PRKAR1B: variants seen among roughly 807,000 people sequenced by gnomAD.
The protein encoded by PRKAR1B is protein kinase cAMP-dependent type I regulatory subunit beta, also known as cAMP-dependent protein kinase type I-beta regulatory subunit.
A neutral mutation model predicts 46.5 loss-of-function variants in PRKAR1B; 22 were observed. The observed-to-expected ratio is 0.47, with a 90% CI of 0.34 to 0.68. PRKAR1B has a LOEUF of 0.68. Among genes scored for constraint, PRKAR1B ranks in the 30% least tolerant of loss-of-function variants. PRKAR1B has a pLI of 0.01. For synonymous variants in PRKAR1B, 259 were observed against 217.7 expected (o/e 1.19, Z -1.67); for missense variants, 445 against 535.6 (o/e 0.83, Z 1.67).
chr7:718,516 C>G (rs1562364267), intron 1 of PRKAR1B, among the ~76,000 whole-genome samples: 2 of 151,844 alleles, frequency 1.3e-5, no homozygotes, highest in Non-Finnish European at 1.5e-5. Context: ...ACCACCACTT[C>G]CAGCAAATTT....
chr7:674,213 C>T (rs1786452524), intron 4 of PRKAR1B, among the ~76,000 whole-genome samples: 1 of 152,142 alleles, frequency 6.6e-6, no homozygotes, highest in African/African-American at 2.4e-5. Flanking sequence ...GCTACTCCAG[C>T]CACACCCAGC....
chr7:588,753 A>G (rs1321601379), intron 7 of PRKAR1B, among the ~76,000 whole-genome samples: 25 of 3,598 alleles, frequency 6.9e-3, no homozygotes, highest in African/African-American at 0.014. Context: ...GGTGATGGTG[A>G]TGGTGATGGT....
intron 1 of PRKAR1B, among the ~76,000 whole-genome samples, chr7:725,463 G>A (rs1185398639): frequency 1.3e-5 from 2 of 152,194 alleles, no homozygotes; most frequent in African/African-American, 4.8e-5. Flanking sequence ...AAGCTGTTTA[G>A]GCGCCTCTGT....
Position 593,565 on chromosome 7 carries a change from C to T in PRKAR1B, c.708+2581G>A, listed in dbSNP as rs896404669. ...CAGGGCGTCAAGGATGGTGGGGAAA[C>T]GGCTTATGCAACGCCGGGCCAGGTG... On this transcript the variant is annotated intron_variant, in intron 7 of 10. Transcript: ENST00000537384. This position sits in a 1 kb window ranked among gnomAD's most constrained non-coding sequence, Gnocchi z 6.1. 4.6e-5 allele frequency among the ~76,000 whole-genome samples: 7 copies of T among 152,158 alleles called. No individual in the cohort carries two copies. The highest frequency in any genetic ancestry group is 9.6e-5 in the African/African-American group (4 of 41,452).
intron 4 of PRKAR1B, among the ~76,000 whole-genome samples, chr7:673,058 A>AC: frequency 7.6e-6 from 1 of 131,716 alleles, no homozygotes; most frequent in Non-Finnish European, 1.6e-5. Flanking sequence ...AAAAAAAAAA[A>AC]AAAAAAAAAA....
Position 726,583 on chromosome 7 carries a change from A to G in PRKAR1B, c.-23+627T>C, listed in dbSNP as rs79984239. On this transcript the variant is annotated intron_variant, in intron 1 of 10. Coordinates refer to ENST00000537384, the MANE Select transcript of PRKAR1B (RefSeq NM_001164760.2). ...GGGGACAGCGGGCGAGCACGACAAG[A>G]GCACAGGCCCACGTGCGCACCGGCG... is the stretch of plus-strand genomic sequence containing the variant. 237,650 of 632,456 alleles carry G rather than the reference A, an allele frequency of 0.38. 45,272 individuals carry two copies. The highest frequency in any genetic ancestry group is 0.51 in the South Asian group (6,273 of 12,268). 39.2% of individuals were successfully genotyped at this position (632,456 alleles called of 1,614,324 possible). A position where few individuals can be genotyped will look rare whatever the true frequency, so the allele number is the denominator to read the frequency against.
rs1022711439 is a variant in PRKAR1B at position 726,689 on chromosome 7, T to A, written c.-23+521A>T. 14 of 1,224,720 alleles carry A rather than the reference T, an allele frequency of 1.1e-5. No individual in the cohort carries two copies. The Admixed American group carries it at 2.1e-4, about 19-fold the overall frequency. The allele number at this position is 1,224,720 out of a possible 1,614,324, so 75.9% of individuals were successfully genotyped here. ...TCTGCGCTGAGAGTCGCGAAAGCGC[T>A]GTTCCCCTTAGTGACCGGCGACGCG... On this transcript the variant is annotated intron_variant, in intron 1 of 10. Transcript: ENST00000537384.
At chr7:664,523 G>A (rs1398955537) in intron 4 of PRKAR1B, among the ~76,000 whole-genome samples, 1 of 152,202 alleles carries the variant, frequency 6.6e-6, no homozygotes, top group Admixed American at 6.5e-5. Context: ...GGTCTGCAGG[G>A]GCTTGTCAGT....
intron 4 of PRKAR1B, among the ~76,000 whole-genome samples, chr7:635,542 G>A (rs1228929559): frequency 1.3e-5 from 2 of 152,170 alleles, no homozygotes; most frequent in African/African-American, 2.4e-5. Flanking sequence ...GGGCCCCTTG[G>A]CAGCCCTAGG....
chr7:637,921 TG>T (rs67593088), intron 4 of PRKAR1B, among the ~76,000 whole-genome samples: 22,641 of 152,200 alleles, frequency 0.15, 1,940 homozygotes, highest in South Asian at 0.27. Flanking sequence ...GAACCCTGCA[TG>T]GGGGGCAGCT....
chr7:601,469 G>A (rs1781590927), intron 6 of PRKAR1B, among the ~76,000 whole-genome samples: 3 of 152,218 alleles, frequency 2.0e-5, no homozygotes, highest in African/African-American at 7.2e-5. Flanking sequence ...TACCCAACAT[G>A]CCACTTTTTC....
At chr7:577,439 G>T (rs9718346) in intron 9 of PRKAR1B, among the ~76,000 whole-genome samples, 1 of 151,952 alleles carries the variant, frequency 6.6e-6, no homozygotes, top group Non-Finnish European at 1.5e-5. Flanking sequence ...GCATGCAAGC[G>T]TGAGATCCTG....
At position 593,542 on chromosome 7, in the gene PRKAR1B, G is replaced by T. The variant is rs28402081; in HGVS notation, c.708+2604C>A. 0.12 allele frequency among the ~76,000 whole-genome samples: 18,468 copies of T among 152,182 alleles called. 1,385 individuals carry two copies. The highest frequency in any genetic ancestry group is 0.16 in the Non-Finnish European group (10,611 of 67,980). ...AAAAATCCCCCAGCCGGGAGCGACA[G>T]GGCGTCAAGGATGGTGGGGAAACGG... On this transcript the variant is annotated intron_variant, in intron 7 of 10. Coordinates refer to ENST00000537384, the MANE Select transcript of PRKAR1B (RefSeq NM_001164760.2). This position sits in a 1 kb window ranked among gnomAD's most constrained non-coding sequence, Gnocchi z 6.1.
intron 9 of PRKAR1B, among the ~76,000 whole-genome samples, chr7:552,195 CA>C: frequency 8.8e-6 from 1 of 113,358 alleles, no homozygotes; most frequent in African/African-American, 4.1e-5. Flanking sequence ...ACCTCCCGCC[CA>C]GGTCCTTCTC....
intron 4 of PRKAR1B, among the ~76,000 whole-genome samples, chr7:662,313 T>C (rs1458117466): frequency 1.7e-3 from 28 of 16,818 alleles, no homozygotes; most frequent in Admixed American, 4.2e-3. Flanking sequence ...AGGTCCCTAC[T>C]CCAACAGGTC....
At chr7:640,801 CACACACAGACACAA>C (rs1229821013) in intron 4 of PRKAR1B, among the ~76,000 whole-genome samples, 4 of 131,528 alleles carry the variant, frequency 3.0e-5, no homozygotes, top group African/African-American at 1.2e-4. Context: ...CACACACACA[CACACACAGACACAA>C]ATGAAATACC....
chr7:698,844 C>G (rs1174589526), intron 2 of PRKAR1B, among the ~76,000 whole-genome samples: 3 of 152,148 alleles, frequency 2.0e-5, no homozygotes, highest in Non-Finnish European at 1.5e-5. Context: ...ACATGTCACT[C>G]ACACACACTT....
intron 2 of PRKAR1B, 33 bp downstream of exon 2, chr7:711,296 G>A (rs1780612735): frequency 2.5e-6 from 4 of 1,612,194 alleles, no homozygotes; most frequent in Non-Finnish European, 2.5e-6. Context: ...GGACACGTGC[G>A]AAGGGAAGCA....
At chr7:574,024 C>T (rs1228331501) in intron 9 of PRKAR1B, among the ~76,000 whole-genome samples, 1 of 152,242 alleles carries the variant, frequency 6.6e-6, no homozygotes, top group Non-Finnish European at 1.5e-5. Flanking sequence ...TCGGTGATGC[C>T]ATCTCCTCTG....
Sources: allele counts gnomAD v4.1 joint callset (sites outside exome capture counted in the v4.1 genomes callset), GRCh38; gene constraint gnomAD v4.1.1; non-coding constraint Gnocchi (gnomAD v3.1); transcripts MANE v1.5; gene names NCBI Gene and HGNC (gene_info 2026-07-23, HGNC 2026-07-21).